KAT2A: variants seen among roughly 807,000 people sequenced by gnomAD.
KAT2A encodes the protein lysine acetyltransferase 2A, also known as histone acetyltransferase KAT2A.
In KAT2A, 42 loss-of-function variants were observed where a neutral mutation model predicts 95.2. That is an observed-to-expected ratio of 0.44 (90% CI 0.34 to 0.57). The LOEUF (loss-of-function observed/expected upper bound fraction) is 0.57, where lower values mean the gene tolerates loss of function less well. Ranked by LOEUF, KAT2A falls within the 20% of genes least tolerant of loss-of-function variation. The pLI, the probability that KAT2A is intolerant of heterozygous loss-of-function variation, is 0.01. For synonymous variants in KAT2A, 449 were observed against 448.2 expected (o/e 1.00, Z -0.02); for missense variants, 784 against 1,126.3 (o/e 0.70, Z 4.35).
At position 42,114,218 on chromosome 17, in the gene KAT2A, C is replaced by G; in HGVS notation, c.2235+1G>C. On this transcript the variant is annotated splice_donor_variant, in intron 16 of 17. Transcript: ENST00000225916. LOFTEE classifies it high-confidence loss of function. The surrounding 1 kb of genome is among the most constrained non-coding windows in gnomAD (Gnocchi z 6.0). ...CTGGAAAGGAAACCTGGTCTCCCCA[C>G]CTTGATTTGGGCCAGCAGGTTTTTG... The G allele has an allele frequency of 6.3e-7, 1 of 1,595,738 alleles. No homozygotes were observed. The highest frequency in any genetic ancestry group is 8.5e-7 in the Non-Finnish European group (1 of 1,169,882).
Position 42,121,135 on chromosome 17 carries a change from C to A in KAT2A, c.170G>T (p.Ser57Ile). The change falls in exon 1 of 18, where the codon AGC (serine) becomes ATC (isoleucine). Residue 57 changes from serine to isoleucine, a missense_variant. By Grantham distance (142) the Ser-to-Ile change is moderately radical (BLOSUM62 -2). Transcript: ENST00000225916. ...TACCCCGGGCCCCCCAGTCCCTGTG[C>A]TGCCGGCTGGGGCTGCAGCTGGGGC... ...APAPAAAPAG[S>I]TGTGGPGVGS... 2 of 1,494,048 alleles carry A rather than the reference C, an allele frequency of 1.3e-6. No individual in the cohort carries two copies. The highest frequency in any genetic ancestry group is 1.8e-6 in the Non-Finnish European group (2 of 1,118,668). 92.5% of individuals were successfully genotyped at this position (1,494,048 alleles called of 1,614,324 possible).
At chr17:42,115,220 T>A (rs1187869029) in intron 12 of KAT2A, among the ~76,000 whole-genome samples, 185 bp from the exon 13 acceptor site, 2 of 152,046 alleles carry the variant, frequency 1.3e-5, no homozygotes, top group Non-Finnish European at 2.9e-5. Context: ...TGCCCACTCC[T>A]GACTCATCCC....
At position 42,114,972 on chromosome 17, in the gene KAT2A, C is replaced by T. The variant is rs782446215; in HGVS notation, c.1939G>A (p.Gly647Arg). The T allele has an allele frequency of 4.3e-6, 7 of 1,613,864 alleles. No homozygotes were observed. ...AGCTCACACTCCATCAGCGTCGCTC[C>T]CTCGTAGTCCTTGATGTAGCCCAGG... is the stretch of plus-strand genomic sequence containing the variant. ...RYLGYIKDYE[G>R]ATLMECELNP... Residue 647 changes from glycine (G) to arginine (R), a missense_variant, in exon 13 of 18, where the codon GGA becomes AGA. This residue lies in a region of KAT2A where 174 missense variants were observed against 324.9 expected (regional missense o/e 0.54). Transcript: ENST00000225916. This position sits in a 1 kb window ranked among gnomAD's most constrained non-coding sequence, Gnocchi z 6.0.
Position 42,117,872 on chromosome 17 carries a change from G to T in KAT2A, c.1291+35C>A. The T allele has an allele frequency of 6.2e-7, 1 of 1,604,798 alleles. No homozygotes were observed. Among genetic ancestry groups the T allele is most frequent in the Non-Finnish European group, 8.5e-7 (1 of 1,173,434 alleles). On this transcript the variant is annotated intron_variant, in intron 8 of 17. Transcript: ENST00000225916. The surrounding 1 kb of genome is among the most constrained non-coding windows in gnomAD (Gnocchi z 8.9). ...CAGTAAAAAAGGTTTGGGAAGGAGT[G>T]AATGAGGGTCAGAGGTCAGGGGTCA... is the stretch of plus-strand genomic sequence containing the variant.
In KAT2A at chr17:42,113,817, C is replaced by T; in HGVS notation, c.2346G>A (p.Leu782=). ...PIDLKTMTER[L]RSRYYVTRKL... is the part of the protein sequence containing the mutation. ...TCCGGGTCACGTAGTAGCGGCTTCGCAGCCGCTCAGTCATGGTCTTCAGGT... is the reference window on the plus strand; with the variant it reads ...TCCGGGTCACGTAGTAGCGGCTTCGTAGCCGCTCAGTCATGGTCTTCAGGT... Residue 782 remains leucine (L), a synonymous_variant, in exon 18 of 18, where the codon CTG becomes CTA. Transcript: ENST00000225916. The T allele has an allele frequency of 6.3e-7, 1 of 1,598,782 alleles. No individual in the cohort carries two copies. Among genetic ancestry groups the T allele is most frequent in the Non-Finnish European group, 8.5e-7 (1 of 1,174,718 alleles).
In KAT2A at chr17:42,121,239, T is replaced by C; in HGVS notation, c.66A>G (p.Pro22=). ...CAGGAGTCGGAGTTGGGGCAGGGGCTGGGGACTGAAGGGGCCGGGGCTGCG... is the reference window on the plus strand; with the variant it reads ...CAGGAGTCGGAGTTGGGGCAGGGGCCGGGGACTGAAGGGGCCGGGGCTGCG... ...PAAQPRPLQS[P]APAPTPTPAP... is the part of the protein sequence containing the mutation. Residue 22 remains proline, a synonymous_variant, in exon 1 of 18, where the codon CCA becomes CCG. Transcript: ENST00000225916. 1 of 1,330,586 alleles carries C rather than the reference T, an allele frequency of 7.5e-7. No individual in the cohort carries two copies. The highest frequency in any genetic ancestry group is 1.5e-5 in the African/African-American group (1 of 64,668). 82.4% of individuals were successfully genotyped at this position (1,330,586 alleles called of 1,614,324 possible).
In KAT2A at chr17:42,119,091, G is replaced by A; in HGVS notation, c.1073+154C>T. 2 of 1,493,010 alleles carry A rather than the reference G, an allele frequency of 1.3e-6. No homozygotes were observed. Among genetic ancestry groups the A allele is most frequent in the Non-Finnish European group, 1.8e-6 (2 of 1,123,030 alleles). 92.5% of individuals were successfully genotyped at this position (1,493,010 alleles called of 1,614,324 possible). ...GACTAGTACTAGCAAGTTGCTTCTGGGCCATGGGCAAGTCTGCCAGGTAGA... is the reference window on the plus strand; with the variant it reads ...GACTAGTACTAGCAAGTTGCTTCTGAGCCATGGGCAAGTCTGCCAGGTAGA... On this transcript the variant is annotated intron_variant, in intron 6 of 17. Transcript: ENST00000225916. This position sits in a 1 kb window ranked among gnomAD's most constrained non-coding sequence, Gnocchi z 5.3.
At chr17:42,116,587 C>T (rs781997713) in intron 11 of KAT2A, among the ~76,000 whole-genome samples, 12 of 152,098 alleles carry the variant, frequency 7.9e-5, no homozygotes, top group Admixed American at 3.9e-4. Context: ...GTTAGCCAGA[C>T]GTAGTGGTGC....
rs1429045422 is a variant in KAT2A, at chr17:42,119,819, TCTC to T, written c.700-104_700-102del. ...GATGCTCCCTGGCCAGGGACAAGGT[TCTC>T]CTTCTCCTCTCTCTCTCGGGTGCTC... On this transcript the variant is annotated intron_variant, in intron 4 of 17. Transcript: ENST00000225916. This position sits in a 1 kb window ranked among gnomAD's most constrained non-coding sequence, Gnocchi z 5.3. The T allele has an allele frequency of 1.4e-5, 15 of 1,084,140 alleles. No homozygotes were observed. In the Admixed American group the frequency reaches 3.9e-4, roughly 28 times the overall value. The allele number at this position is 1,084,140 out of a possible 1,614,324, so 67.2% of individuals were successfully genotyped here.
Position 42,119,532 on chromosome 17 carries a change from C to T in KAT2A, c.881+5G>A. On this transcript the variant is annotated splice_donor_5th_base_variant and intron_variant, in intron 5 of 17. Transcript: ENST00000225916. This position sits in a 1 kb window ranked among gnomAD's most constrained non-coding sequence, Gnocchi z 5.3. ...TCCCCCGAAGCTGCCCCTGGCTGGGCCTACCTGGTGTAATTGACCTTGTAG... is the reference window on the plus strand; with the variant it reads ...TCCCCCGAAGCTGCCCCTGGCTGGGTCTACCTGGTGTAATTGACCTTGTAG... The T allele has an allele frequency of 6.3e-7, 1 of 1,589,728 alleles. No individual in the cohort carries two copies. Among genetic ancestry groups the T allele is most frequent in the East Asian group, 2.2e-5 (1 of 44,568 alleles).
rs1322590990 is a variant in KAT2A at position 42,114,134 on chromosome 17, C to T, written c.2236-50G>A. ...ACAGCCCTGCTGCGCCCACGCCAGC[C>T]CGAGACCACTACCCACCCCACACTG... On this transcript the variant is annotated intron_variant, in intron 16 of 17. Coordinates refer to ENST00000225916, the MANE Select transcript of KAT2A (RefSeq NM_021078.3). The surrounding 1 kb of genome is among the most constrained non-coding windows in gnomAD (Gnocchi z 6.0). 5.7e-6 allele frequency: 9 copies of T among 1,575,238 alleles called. No homozygotes were observed. Among genetic ancestry groups the T allele is most frequent in the Non-Finnish European group, 7.7e-6 (9 of 1,163,892 alleles).
chr17:42,121,191 C>T lies in KAT2A; in HGVS notation c.114G>A (p.Pro38=), dbSNP rs1555667309. ...CTGGTGCCGGGGTGGGAGTCGGAAT[C>T]GGGGCTGAAGCCGGGCTGGGTGCAG... ...PTPAPSPASA[P]IPTPTPAPAP... Residue 38 remains proline, a synonymous_variant, in exon 1 of 18, where the codon CCG becomes CCA. Transcript: ENST00000225916. The T allele has an allele frequency of 4.4e-6, 6 of 1,376,276 alleles. No homozygotes were observed. The highest frequency in any genetic ancestry group is 4.8e-6 in the Non-Finnish European group (5 of 1,036,614). The allele number at this position is 1,376,276 out of a possible 1,614,324, so 85.3% of individuals were successfully genotyped here. A position where few individuals can be genotyped will look rare whatever the true frequency, so the allele number is the denominator to read the frequency against.
Position 42,120,000 on chromosome 17 carries a change from T to C in KAT2A, c.699+30A>G, listed in dbSNP as rs2144042283. ...TCCTCCAAGCTGTCCCCAATTCTCC[T>C]ATCCGCTATCTCCAATTCCCCTATC... On this transcript the variant is annotated intron_variant, in intron 4 of 17. Transcript: ENST00000225916. This position sits in a 1 kb window ranked among gnomAD's most constrained non-coding sequence, Gnocchi z 5.3. 6.4e-7 allele frequency: 1 copy of C among 1,574,592 alleles called. No homozygotes were observed. The highest frequency in any genetic ancestry group is 1.1e-5 in the South Asian group (1 of 90,262).
At position 42,120,253 on chromosome 17, in the gene KAT2A, G is replaced by C. The variant is rs2054316962; in HGVS notation, c.581C>G (p.Thr194Ser). 6.2e-7 allele frequency: 1 copy of C among 1,614,086 alleles called. No individual in the cohort carries two copies. Among genetic ancestry groups the C allele is most frequent in the Non-Finnish European group, 8.5e-7 (1 of 1,180,050 alleles). Residue 194 changes from threonine to serine, a missense_variant, in exon 3 of 18, where the codon ACC becomes AGC. By Grantham distance (58) the Thr-to-Ser change is moderately conservative. Around this residue, in one of 6 missense-constraint regions of KAT2A, gnomAD observed 208 missense variants for 339.7 expected, o/e 0.61. Coordinates refer to ENST00000225916, the MANE Select transcript of KAT2A (RefSeq NM_021078.3). ...MSVHKEEDTDTKQVYFYLFKL... is the reference protein window; with the variant it reads ...MSVHKEEDTDSKQVYFYLFKL... ...GAAGAGGTAGAAATAGACCTGCTTG[G>C]TGTCTGTGTCCTCTTCCTTGTGAAC...
At position 42,114,372 on chromosome 17, in the gene KAT2A, C is replaced by A; in HGVS notation, c.2157G>T (p.Leu719Phe). ...PGIRETGWKPLGKEKGKELKD... is the reference protein window; with the variant it reads ...PGIRETGWKPFGKEKGKELKD... Reference sequence around the variant, plus strand: ...TTGACACTCACCCCTTCTCCTTCCCCAATGGCTTCCAGCCTGTCTCTCCTG... The same window carrying A: ...TTGACACTCACCCCTTCTCCTTCCCAAATGGCTTCCAGCCTGTCTCTCCTG... The change falls in exon 15 of 18, where the codon TTG becomes TTT. Residue 719 changes from leucine (L) to phenylalanine (F), a missense_variant. Physicochemically the swap from Leu to Phe is conservative, Grantham distance 22. Transcript: ENST00000225916. This position sits in a 1 kb window ranked among gnomAD's most constrained non-coding sequence, Gnocchi z 6.0. The A allele has an allele frequency of 1.2e-6, 2 of 1,614,074 alleles. No homozygotes were observed. The highest frequency in any genetic ancestry group is 1.7e-6 in the Non-Finnish European group (2 of 1,179,978).
chr17:42,114,088 G>T lies in KAT2A; in HGVS notation c.2236-4C>A. 6.5e-7 allele frequency: 1 copy of T among 1,549,458 alleles called. No individual in the cohort carries two copies. Among genetic ancestry groups the T allele is most frequent in the South Asian group, 1.2e-5 (1 of 83,528 alleles). ...AGGGCCAGGCACTGGGGTGAGACTG[G>T]AGAGAAGAGCCGGGCTGGGGACAGC... is the stretch of plus-strand genomic sequence containing the variant. On this transcript the variant is annotated splice_polypyrimidine_tract_variant and splice_region_variant and intron_variant, in intron 16 of 17. Coordinates refer to ENST00000225916, the MANE Select transcript of KAT2A (RefSeq NM_021078.3). The surrounding 1 kb of genome is among the most constrained non-coding windows in gnomAD (Gnocchi z 6.0).
chr17:42,119,746 C>A lies in KAT2A; in HGVS notation c.700-28G>T. The A allele has an allele frequency of 6.4e-7, 1 of 1,569,838 alleles. No individual in the cohort carries two copies. On this transcript the variant is annotated intron_variant, in intron 4 of 17. Coordinates refer to ENST00000225916, the MANE Select transcript of KAT2A (RefSeq NM_021078.3). The surrounding 1 kb of genome is among the most constrained non-coding windows in gnomAD (Gnocchi z 5.3). The stretch of plus-strand genomic sequence containing the variant: ...GAGAAGGGGTGGGTGGGGGATAAAA[C>A]CAGGAATGAGGTGTGAGCAGCCCGC...
Position 42,113,478 on chromosome 17 carries a change from C to A in KAT2A, c.*171G>T. ...CAGTGAAGGCTGGGACAGAGCTGCA[C>A]GCTTGGGGGTGCCTGAAGGTCCAGA... On this transcript the variant is annotated 3_prime_UTR_variant, in exon 18 of 18. Transcript: ENST00000225916. 1 of 590,744 alleles carries A rather than the reference C, an allele frequency of 1.7e-6. No individual in the cohort carries two copies. The highest frequency in any genetic ancestry group is 2.9e-6 in the Non-Finnish European group (1 of 345,496). 36.6% of individuals were successfully genotyped at this position (590,744 alleles called of 1,614,324 possible). A position where few individuals can be genotyped will look rare whatever the true frequency, so the allele number is the denominator to read the frequency against.
Position 42,115,043 on chromosome 17 carries a change from G to GT in KAT2A, c.1876-9dup, listed in dbSNP as rs782201986. 52 of 1,613,126 alleles carry GT rather than the reference G, an allele frequency of 3.2e-5. No homozygotes were observed. In the African/African-American group the frequency reaches 6.4e-4, roughly 20 times the overall value. ...GATGTCCTTGGAGAAACCCTGGGGG[G>GT]TGGATGGTCATGACCCAGTCCATCC... On this transcript the variant is annotated splice_polypyrimidine_tract_variant and intron_variant, in intron 12 of 17. Transcript: ENST00000225916.
Sources: allele counts gnomAD v4.1 joint callset (sites outside exome capture counted in the v4.1 genomes callset), GRCh38; gene constraint gnomAD v4.1.1; regional missense constraint gnomAD v4.1.1; non-coding constraint Gnocchi (gnomAD v3.1); transcripts MANE v1.5; gene names NCBI Gene and HGNC (gene_info 2026-07-23, HGNC 2026-07-21).